The following ASTN2 variants were observed in gnomAD, a reference collection of about 807,000 sequenced individuals.
ASTN2 encodes the protein astrotactin 2.
Under a neutral mutation model 139.8 loss-of-function variants are expected in ASTN2, and 54 were observed. The observed-to-expected ratio is 0.39, with a 90% CI of 0.31 to 0.48. The LOEUF is 0.48. Ranked by LOEUF, ASTN2 falls within the 20% of genes least tolerant of loss-of-function variation. ASTN2 has a pLI of 0.95. For missense variants in ASTN2, 1,565 were observed against 1,725.1 expected (o/e 0.91, Z 1.64); for synonymous variants, 756 against 719.5 (o/e 1.05, Z -0.81).
chr9:117,188,462 C>G (rs1485901181), intron 3 of ASTN2, among the ~76,000 whole-genome samples: 1 of 152,064 alleles, frequency 6.6e-6, no homozygotes, highest in Non-Finnish European at 1.5e-5. Context: ...GTGGGGCTAT[C>G]ATCTCCATTT....
At chr9:117,240,256 T>C (rs553520079) in intron 2 of ASTN2, among the ~76,000 whole-genome samples, 3 of 152,284 alleles carry the variant, frequency 2.0e-5, no homozygotes, top group African/African-American at 7.2e-5. Context: ...CCTTGTCCTG[T>C]CTTCCTCATA....
At chr9:116,757,250 G>A (rs765362209) in intron 13 of ASTN2, among the ~76,000 whole-genome samples, 10 of 152,194 alleles carry the variant, frequency 6.6e-5, no homozygotes, top group Admixed American at 2.0e-4. Flanking sequence ...GCACTTACCC[G>A]GAGTGCCTTC....
intron 10 of ASTN2, among the ~76,000 whole-genome samples, chr9:116,965,475 A>G (rs949168003): frequency 3.3e-5 from 5 of 152,182 alleles, no homozygotes; most frequent in African/African-American, 1.2e-4. Flanking sequence ...AAGAGTCACA[A>G]AGAGCTTGGG....
rs1358937092 is a variant in ASTN2 at position 116,805,264 on chromosome 9, TC to T, written c.2396+367del. ...TTTTTATTTTCTACTACATTAAATG[TC>T]CTTATTTTTGAACTGCCTGAACAGC... On this transcript the variant is annotated intron_variant, in intron 13 of 22. Coordinates refer to ENST00000313400, the MANE Select transcript of ASTN2 (RefSeq NM_001365068.1). Among the ~76,000 whole-genome samples the T allele has an allele frequency of 6.6e-5, 10 of 152,298 alleles. 1 individual carries two copies. In the South Asian group the frequency reaches 1.9e-3, roughly 28 times the overall value.
chr9:116,920,319 G>T (rs186412884), intron 10 of ASTN2, among the ~76,000 whole-genome samples: 1 of 152,314 alleles, frequency 6.6e-6, no homozygotes, highest in East Asian at 1.9e-4. Flanking sequence ...AATAATTTTA[G>T]TGGCTTAAAA....
At chr9:117,240,480 C>T (rs939580728) in intron 2 of ASTN2, among the ~76,000 whole-genome samples, 1 of 152,114 alleles carries the variant, frequency 6.6e-6, no homozygotes, top group Non-Finnish European at 1.5e-5. Context: ...GCATGCCAAA[C>T]ATAAGGTTGG....
At chr9:116,609,297 T>TCC (rs1855384693) in intron 19 of ASTN2, among the ~76,000 whole-genome samples, 6 of 25,720 alleles carry the variant, frequency 2.3e-4, no homozygotes, top group African/African-American at 4.1e-4. Context: ...GAAAAAAGGA[T>TCC]CTCTCTCTCT....
intron 13 of ASTN2, among the ~76,000 whole-genome samples, chr9:116,778,274 A>T (rs1022602665): frequency 6.6e-6 from 1 of 152,190 alleles, no homozygotes; most frequent in Non-Finnish European, 1.5e-5. Context: ...CTGACTCTGG[A>T]ATCCAAAAGT....
At chr9:117,276,158 C>A (rs1834183775) in intron 2 of ASTN2, among the ~76,000 whole-genome samples, 1 of 152,174 alleles carries the variant, frequency 6.6e-6, no homozygotes, top group South Asian at 2.1e-4. Context: ...TTATCAGGCA[C>A]CAAGTCTGTA....
intron 2 of ASTN2, among the ~76,000 whole-genome samples, chr9:117,285,443 G>A (rs535705519): frequency 6.6e-6 from 1 of 152,146 alleles, no homozygotes; most frequent in South Asian, 2.1e-4. Context: ...ATGATATAAA[G>A]CCATCTTTTA....
chr9:117,413,788 C>T (rs775646833), intron 1 of ASTN2, among the ~76,000 whole-genome samples: 7 of 152,122 alleles, frequency 4.6e-5, no homozygotes, highest in Admixed American at 6.5e-5. Flanking sequence ...CGGCTCTCTG[C>T]CTGGAGGTGG....
intron 13 of ASTN2, among the ~76,000 whole-genome samples, chr9:116,743,790 A>G (rs1829159685): frequency 6.6e-6 from 1 of 152,192 alleles, no homozygotes; most frequent in South Asian, 2.1e-4. Flanking sequence ...GGCGTGAGCC[A>G]CCGTACCAGG....
chr9:116,480,029 G>GT lies in ASTN2; in HGVS notation c.3497+7329dup, dbSNP rs1202941530. On this transcript the variant is annotated intron_variant, in intron 20 of 22. Coordinates refer to ENST00000313400, the MANE Select transcript of ASTN2 (RefSeq NM_001365068.1). Reference sequence around the variant, plus strand: ...GTAGCAACTACCTTACAGAGTTGTTGTGAGGATTAGATTAAATAAGGTTTA... The same window carrying GT: ...GTAGCAACTACCTTACAGAGTTGTTGTTGAGGATTAGATTAAATAAGGTTTA... 6.6e-5 allele frequency among the ~76,000 whole-genome samples: 10 copies of GT among 152,182 alleles called. No homozygotes were observed. The East Asian group carries it at 1.5e-3, about 24-fold the overall frequency.
rs936047094 is a variant in ASTN2 at position 116,820,772 on chromosome 9, C to A, written c.2052G>T (p.Glu684Asp). The A allele has an allele frequency of 4.3e-6, 7 of 1,613,564 alleles. No homozygotes were observed. The highest frequency in any genetic ancestry group is 5.9e-6 in the Non-Finnish European group (7 of 1,179,724). Reference protein sequence around the residue: ...VDSSGCVCPEELKPMKDGSGC... With the variant: ...VDSSGCVCPEDLKPMKDGSGC... ...CAGAGCCATCCTTCATGGGTTTCAG[C>A]TCCTCAGGGCACTGCTCAGAGAGAG... The change falls in exon 12 of 23, where the codon GAG (glutamate) becomes GAT (aspartate). Residue 684 changes from glutamate (E) to aspartate (D), a missense_variant. Transcript: ENST00000313400.
chr9:117,237,884 A>G (rs1253551380), intron 2 of ASTN2, among the ~76,000 whole-genome samples: 2 of 152,142 alleles, frequency 1.3e-5, no homozygotes, highest in Non-Finnish European at 2.9e-5. Context: ...GGAGTCAGAG[A>G]GGAGATGCTG....
intron 11 of ASTN2, among the ~76,000 whole-genome samples, chr9:116,845,229 C>T (rs1339365869): frequency 1.3e-5 from 2 of 152,230 alleles, no homozygotes; most frequent in African/African-American, 4.8e-5. Context: ...ATTCTCCCGC[C>T]TCAGCCTCCC....
chr9:116,713,267 G>A (rs75069478), intron 16 of ASTN2, among the ~76,000 whole-genome samples: 2,314 of 152,232 alleles, frequency 0.015, 36 homozygotes, highest in Non-Finnish European at 0.02. Flanking sequence ...TCCAAAAGGA[G>A]CCTTCTTTCT....
intron 17 of ASTN2, among the ~76,000 whole-genome samples, chr9:116,643,594 T>A (rs778647204): frequency 2.0e-5 from 3 of 152,200 alleles, no homozygotes; most frequent in African/African-American, 7.2e-5. Flanking sequence ...CATCTCCTTA[T>A]CTGTTAGATA....
intron 7 of ASTN2, among the ~76,000 whole-genome samples, chr9:116,988,181 T>C (rs537042072): frequency 3.4e-4 from 52 of 152,312 alleles, no homozygotes; most frequent in African/African-American, 1.2e-3. Flanking sequence ...AATTTAAAAG[T>C]AGAGAAGACA....
Sources: allele counts gnomAD v4.1 joint callset (sites outside exome capture counted in the v4.1 genomes callset), GRCh38; gene constraint gnomAD v4.1.1; transcripts MANE v1.5; gene names NCBI Gene and HGNC (gene_info 2026-07-23, HGNC 2026-07-21).